Variants in NEK5 observed in about 807,000 individuals in gnomAD.
NEK5 encodes serine/threonine-protein kinase Nek5.
In NEK5, 88 loss-of-function variants were observed where a neutral mutation model predicts 109.2. That is an observed-to-expected ratio of 0.81 (90% CI 0.68 to 0.96). The LOEUF (loss-of-function observed/expected upper bound fraction) is 0.96. Ranked by LOEUF, NEK5 falls within the 40% of genes least tolerant of loss-of-function variation. The pLI, the probability that NEK5 is intolerant of heterozygous loss-of-function variation, is 0.00. For missense variants in NEK5, 834 were observed against 920.7 expected (o/e 0.91, Z 1.22); for synonymous variants, 283 against 299.9 (o/e 0.94, Z 0.58).
intron 19 of NEK5, among the ~76,000 whole-genome samples, chr13:52,075,068 A>C (rs956615988): frequency 2.0e-5 from 3 of 152,204 alleles, no homozygotes; most frequent in Admixed American, 1.3e-4. Flanking sequence ...AGCAGTTTGG[A>C]TATTTCTCAA....
rs1399690587 is a variant in NEK5, at chr13:52,034,722, G to A, written c.*2226C>T. On this transcript the variant is annotated 3_prime_UTR_variant, in exon 24 of 24. Coordinates refer to ENST00000684899, the MANE Select transcript of NEK5 (RefSeq NM_001365552.1). ...TTTTTTTTTTTTTTTTTTTCTGAGG[G>A]GTGGATAGAGATGGGTGTTTCCCTA... The A allele has an allele frequency of 6.9e-6, 1 of 145,808 alleles. No individual in the cohort carries two copies. The highest frequency in any genetic ancestry group is 6.8e-5 in the Admixed American group (1 of 14,602). The allele number at this position is 145,808 out of a possible 1,614,324, so 9.0% of individuals were successfully genotyped here.
intron 20 of NEK5, 101 bp from the exon 21 acceptor site, chr13:52,065,710 T>C (rs1293681299): frequency 1.4e-5 from 11 of 780,882 alleles, no homozygotes. Context: ...TCAGCAGGTA[T>C]GTTCAAAACC....
intron 22 of NEK5, among the ~76,000 whole-genome samples, chr13:52,050,528 T>C (rs1298926609): frequency 6.6e-6 from 1 of 151,904 alleles, no homozygotes; most frequent in Non-Finnish European, 1.5e-5. Flanking sequence ...TCTCCACTGT[T>C]TCTATAACCT....
intron 7 of NEK5, 34 bp from the exon 8 acceptor site, chr13:52,108,438 AT>A: frequency 2.2e-6 from 3 of 1,337,948 alleles, no homozygotes; most frequent in East Asian, 2.4e-5. Flanking sequence ...AATCAGCATG[AT>A]TTTTTATTGG....
In NEK5 at chr13:52,095,066, G is replaced by A. The variant is rs143772427; in HGVS notation, c.1027-1831C>T. On this transcript the variant is annotated intron_variant, in intron 12 of 23. Transcript: ENST00000684899. The stretch of plus-strand genomic sequence containing the variant: ...CAAGTAACTGGGACTACAGGCACAT[G>A]CTACTGTGTCCAGTAAAAAACAAAA... Among the ~76,000 whole-genome samples, 608 of 152,104 alleles carry A rather than the reference G, an allele frequency of 4.0e-3. 3 individuals carry two copies. Among genetic ancestry groups the A allele is most frequent in the African/African-American group, 0.013 (548 of 41,496 alleles).
chr13:52,071,127 C>T (rs1010877985), intron 20 of NEK5, among the ~76,000 whole-genome samples: 1 of 152,036 alleles, frequency 6.6e-6, no homozygotes, highest in South Asian at 2.1e-4. Context: ...ACTCCAGAGA[C>T]ATCTCAGAAT....
chr13:52,100,354 C>T (rs917334734), intron 11 of NEK5, among the ~76,000 whole-genome samples: 11 of 152,234 alleles, frequency 7.2e-5, no homozygotes, highest in East Asian at 1.9e-4. Flanking sequence ...CTTCACCTCC[C>T]GAGTTCATGC....
intron 17 of NEK5, among the ~76,000 whole-genome samples, chr13:52,082,685 C>G (rs1366491917): frequency 6.6e-6 from 1 of 152,122 alleles, no homozygotes. Context: ...ATTTCCTGAC[C>G]AATGTGTCTG....
At chr13:52,062,784 A>T (rs1954623874) in intron 21 of NEK5, among the ~76,000 whole-genome samples, 1 of 152,200 alleles carries the variant, frequency 6.6e-6, no homozygotes, top group Non-Finnish European at 1.5e-5. Flanking sequence ...GAATTTAGGT[A>T]GAAAACATAA....
At chr13:52,080,269 G>T (rs1954973140) in intron 17 of NEK5, among the ~76,000 whole-genome samples, 1 of 149,352 alleles carries the variant, frequency 6.7e-6, no homozygotes, top group African/African-American at 2.5e-5. Flanking sequence ...GGGAGGTGGG[G>T]GGGGGTCAGC....
At chr13:52,102,421 G>A in intron 9 of NEK5, 129 bp from the exon 10 acceptor site, 1 of 751,908 alleles carries the variant, frequency 1.3e-6, no homozygotes, top group Non-Finnish European at 2.2e-6. Flanking sequence ...AGAAGCACTA[G>A]GGTCACCTGT....
At chr13:52,073,511 T>C (rs1390314327) in intron 19 of NEK5, among the ~76,000 whole-genome samples, 1 of 152,028 alleles carries the variant, frequency 6.6e-6, no homozygotes, top group Non-Finnish European at 1.5e-5. Context: ...GAGATGGGGT[T>C]TCACCATGTT....
chr13:52,034,881 C>CTTTTTTTTTTTTTT lies in NEK5; in HGVS notation c.*2053_*2066dup, dbSNP rs753180867. The CTTTTTTTTTTTTTT allele has an allele frequency of 9.8e-6, 1 of 102,528 alleles. No individual in the cohort carries two copies. Among genetic ancestry groups the CTTTTTTTTTTTTTT allele is most frequent in the African/African-American group, 3.7e-5 (1 of 27,132 alleles). 6.4% of individuals were successfully genotyped at this position (102,528 alleles called of 1,614,324 possible). A position where few individuals can be genotyped will look rare whatever the true frequency, so the allele number is the denominator to read the frequency against. On this transcript the variant is annotated 3_prime_UTR_variant, in exon 24 of 24. Transcript: ENST00000684899. ...ACCATCCTTAAACATTCTTTTTTTTCTTTTTTTTTTTTTTTTTTGCCCTTA... is the reference window on the plus strand; with the variant it reads ...ACCATCCTTAAACATTCTTTTTTTTCTTTTTTTTTTTTTTTTTTTTTTTTTTTTTTTTGCCCTTA...
chr13:52,101,720 G>C (rs1220878121), intron 11 of NEK5, among the ~76,000 whole-genome samples: 2 of 152,144 alleles, frequency 1.3e-5, no homozygotes, highest in Non-Finnish European at 2.9e-5. Context: ...TGACTAACGA[G>C]AAGGAACCCT....
At chr13:52,091,493 TTA>T (rs1047155145) in intron 13 of NEK5, among the ~76,000 whole-genome samples, 2 of 152,222 alleles carry the variant, frequency 1.3e-5, no homozygotes, top group East Asian at 1.9e-4. Flanking sequence ...GCTTTTCCCG[TTA>T]TATGTTTCTG....
In NEK5 at chr13:52,080,329, C is replaced by T. The variant is rs1159427501; in HGVS notation, c.1572+2931G>A. ...CCGGGAGGTGAGGGGCGCCTCTGCC[C>T]GGCCGCCCCTACTGGGAAGTGAGAA... On this transcript the variant is annotated intron_variant, in intron 17 of 23. Coordinates refer to ENST00000684899, the MANE Select transcript of NEK5 (RefSeq NM_001365552.1). Among the ~76,000 whole-genome samples, 9 of 151,040 alleles carry T rather than the reference C, an allele frequency of 6.0e-5. No individual in the cohort carries two copies. The South Asian group carries it at 6.3e-4, about 11-fold the overall frequency.
intron 13 of NEK5, 83 bp downstream of exon 13, chr13:52,092,971 G>A: frequency 1.1e-6 from 1 of 906,330 alleles, no homozygotes; most frequent in Admixed American, 2.4e-5. Context: ...TGTGTTAGGA[G>A]AATTTGGATT....
chr13:52,084,674 A>T (rs1955081621), intron 16 of NEK5, among the ~76,000 whole-genome samples: 1 of 150,304 alleles, frequency 6.7e-6, no homozygotes, highest in Non-Finnish European at 1.5e-5. Flanking sequence ...AGTAGCTAGG[A>T]CTACAGGTGC....
At chr13:52,045,024 A>G (rs1954444029) in intron 23 of NEK5, among the ~76,000 whole-genome samples, 1 of 152,176 alleles carries the variant, frequency 6.6e-6, no homozygotes, top group South Asian at 2.1e-4. Context: ...TATATTATAA[A>G]CAATGTGTTT....
Sources: allele counts gnomAD v4.1 joint callset (sites outside exome capture counted in the v4.1 genomes callset), GRCh38; gene constraint gnomAD v4.1.1; transcripts MANE v1.5; gene names NCBI Gene and HGNC (gene_info 2026-07-23, HGNC 2026-07-21).